Variants in TBC1D9 observed in about 807,000 individuals in gnomAD.
TBC1D9 encodes the protein TBC1 domain family member 9.
In TBC1D9, 63 loss-of-function variants were observed where a neutral mutation model predicts 132.0. That is an observed-to-expected ratio of 0.48 (90% confidence interval 0.39 to 0.59). The LOEUF (loss-of-function observed/expected upper bound fraction) is 0.59, where lower values mean the gene tolerates loss of function less well. Ranked by LOEUF, TBC1D9 falls within the 20% of genes least tolerant of loss-of-function variation. TBC1D9 has a pLI of 0.00. For missense variants in TBC1D9, 1,261 were observed against 1,592.7 expected, an observed-to-expected ratio of 0.79 and a Z score of 3.54; for synonymous variants, 610 against 609.9, an observed-to-expected ratio of 1.00 and a Z score of 0.00.
chr4:140,721,614 A>G (rs890532010), intron 1 of TBC1D9, among the ~76,000 whole-genome samples: 1 of 152,158 alleles, frequency 6.6e-6, no homozygotes, highest in Non-Finnish European at 1.5e-5. Flanking sequence ...AGAAAATTCA[A>G]CCTTATTTCA....
intron 1 of TBC1D9, among the ~76,000 whole-genome samples, chr4:140,745,296 C>T (rs1738820815): frequency 6.6e-6 from 1 of 152,178 alleles, no homozygotes; most frequent in Non-Finnish European, 1.5e-5. Flanking sequence ...GAGTTTGATT[C>T]TTTTCATTGA....
At chr4:140,652,053 A>G (rs1441007679) in intron 13 of TBC1D9, among the ~76,000 whole-genome samples, 1 of 152,116 alleles carries the variant, frequency 6.6e-6, no homozygotes, top group Non-Finnish European at 1.5e-5. Flanking sequence ...AACCTAGCCA[A>G]CTTGGTGAAA....
intron 1 of TBC1D9, among the ~76,000 whole-genome samples, chr4:140,743,242 C>T (rs1423386567): frequency 6.6e-6 from 1 of 152,040 alleles, no homozygotes; most frequent in African/African-American, 2.4e-5. Flanking sequence ...TTCCATTACT[C>T]ACACATTGCT....
intron 3 of TBC1D9, among the ~76,000 whole-genome samples, chr4:140,683,182 C>T (rs886705986): frequency 6.6e-6 from 1 of 152,072 alleles, no homozygotes; most frequent in Non-Finnish European, 1.5e-5. Flanking sequence ...CTGGCCTGCT[C>T]ATTGAAATTT....
intron 15 of TBC1D9, among the ~76,000 whole-genome samples, chr4:140,636,683 A>T (rs1736886974): frequency 6.6e-6 from 1 of 152,146 alleles, no homozygotes; most frequent in Non-Finnish European, 1.5e-5. Context: ...GAGCTACTGC[A>T]CCTGTCTCTA....
rs918270794 is a variant in TBC1D9 at position 140,643,815 on chromosome 4, G to A, written c.2338-4387C>T. 2.6e-5 allele frequency: 20 copies of A among 763,570 alleles called. No individual in the cohort carries two copies. The East Asian group carries it at 5.1e-4, about 20-fold the overall frequency. The allele number at this position is 763,570 out of a possible 1,614,324, so 47.3% of individuals were successfully genotyped here. ...GCAGCCCTGCCCGGTGGCACTCAGCGCCTGGGCCTCCAACGGGCCACCTCT... is the reference window on the plus strand; with the variant it reads ...GCAGCCCTGCCCGGTGGCACTCAGCACCTGGGCCTCCAACGGGCCACCTCT... On this transcript the variant is annotated intron_variant, in intron 13 of 20. Transcript: ENST00000442267.
At chr4:140,744,610 G>A (rs2111081370) in intron 1 of TBC1D9, among the ~76,000 whole-genome samples, 1 of 152,230 alleles carries the variant, frequency 6.6e-6, no homozygotes, top group Non-Finnish European at 1.5e-5. Flanking sequence ...TGGGGCCCTG[G>A]CTGTGGCTCA....
At chr4:140,628,621 A>G (rs539457548) in intron 16 of TBC1D9, among the ~76,000 whole-genome samples, 1 of 152,326 alleles carries the variant, frequency 6.6e-6, no homozygotes, top group South Asian at 2.1e-4. Context: ...TGAGATGATA[A>G]TAGAAGATTC....
intron 20 of TBC1D9, 46 bp downstream of exon 20, chr4:140,624,070 A>C: frequency 6.9e-7 from 1 of 1,451,070 alleles, no homozygotes; most frequent in Middle Eastern, 1.9e-4. Flanking sequence ...CATAGAAAAA[A>C]GAGTGTCCAG....
At chr4:140,734,397 T>A (rs1738643096) in intron 1 of TBC1D9, among the ~76,000 whole-genome samples, 3 of 152,190 alleles carry the variant, frequency 2.0e-5, no homozygotes. Context: ...CCCAAAGTGC[T>A]GGGATTACAG....
At chr4:140,635,085 A>T (rs892501847) in intron 15 of TBC1D9, among the ~76,000 whole-genome samples, 2 of 152,158 alleles carry the variant, frequency 1.3e-5, no homozygotes, top group Non-Finnish European at 2.9e-5. Flanking sequence ...GGTGGGGGAG[A>T]AAGGAGGAGC....
intron 1 of TBC1D9, among the ~76,000 whole-genome samples, chr4:140,709,248 T>TCTCTCTCTCTCTCTCACACACA (rs1382500714): frequency 9.6e-6 from 1 of 104,148 alleles, no homozygotes; most frequent in African/African-American, 4.4e-5. Context: ...TCTCTCTCTC[T>TCTCTCTCTCTCTCTCACACACA]CACACACACA....
chr4:140,668,130 T>C (rs1045877485), intron 9 of TBC1D9, among the ~76,000 whole-genome samples: 2 of 152,226 alleles, frequency 1.3e-5, no homozygotes, highest in African/African-American at 4.8e-5. Context: ...AGGAGTGCTC[T>C]GATGTCTGAG....
At chr4:140,661,815 C>A in intron 10 of TBC1D9, 78 bp downstream of exon 10, 1 of 1,255,174 alleles carries the variant, frequency 8.0e-7, no homozygotes, top group Non-Finnish European at 1.1e-6. Flanking sequence ...AACCATAAAC[C>A]TTCCTTCCCA....
At position 140,667,180 on chromosome 4, in the gene TBC1D9, C is replaced by T. The variant is rs544287862; in HGVS notation, c.1588+1737G>A. Among the ~76,000 whole-genome samples, 4 of 152,288 alleles carry T rather than the reference C, an allele frequency of 2.6e-5. No homozygotes were observed. In the East Asian group the frequency reaches 7.7e-4, roughly 29 times the overall value. On this transcript the variant is annotated intron_variant, in intron 9 of 20. Coordinates refer to ENST00000442267, the MANE Select transcript of TBC1D9 (RefSeq NM_015130.3). ...TGATAGGCTGGCCTTCAGGCGAACC[C>T]CATTCCTGGATGTGGAAATACGGGC... is the stretch of plus-strand genomic sequence containing the variant.
chr4:140,732,436 T>C (rs1738608485), intron 1 of TBC1D9, among the ~76,000 whole-genome samples: 1 of 152,194 alleles, frequency 6.6e-6, no homozygotes, highest in African/African-American at 2.4e-5. Context: ...CCAGATACTA[T>C]TGTAAGATGT....
intron 16 of TBC1D9, among the ~76,000 whole-genome samples, chr4:140,631,746 G>A (rs1430957805): frequency 2.0e-5 from 3 of 151,740 alleles, no homozygotes; most frequent in African/African-American, 7.3e-5. Context: ...ATAGGGACCT[G>A]CCACCACGCC....
Position 140,645,158 on chromosome 4 carries a change from A to G in TBC1D9, c.2338-5730T>C, listed in dbSNP as rs553864171. 5 of 561,162 alleles carry G rather than the reference A, an allele frequency of 8.9e-6. 1 individual carries two copies. The highest frequency in any genetic ancestry group is 6.0e-5 in the South Asian group (4 of 66,552). The allele number at this position is 561,162 out of a possible 1,614,324, so 34.8% of individuals were successfully genotyped here. ...GCACGTGGGCCAGGTCAGCCAGCTC[A>G]TTACTCTCTCTGAGCAGCTTCTCCT... On this transcript the variant is annotated intron_variant, in intron 13 of 20. Transcript: ENST00000442267.
chr4:140,686,302 G>T, intron 3 of TBC1D9, 42 bp downstream of exon 3: 1 of 1,208,212 alleles, frequency 8.3e-7, no homozygotes, highest in Non-Finnish European at 1.2e-6. Context: ...CTGTAAATTT[G>T]AAATTATTTC....
Sources: gnomAD v4.1 joint callset for allele counts (sites outside exome capture counted in the v4.1 genomes callset) on GRCh38, gnomAD v4.1.1 for gene constraint, MANE v1.5 for transcripts, NCBI Gene and HGNC (gene_info 2026-07-23, HGNC 2026-07-21) for gene names.